RFX3: variants seen among roughly 807,000 people sequenced by gnomAD.
The protein encoded by RFX3 is regulatory factor X3.
In RFX3, 14 loss-of-function variants were observed where a neutral mutation model predicts 98.6. The ratio of observed to expected loss-of-function variants is 0.14; its 90% CI spans 0.09 to 0.22. The LOEUF is 0.22. RFX3 is among the 10% of genes least tolerant of loss of function. The pLI is 1.00. For missense variants in RFX3, 639 were observed against 926.9 expected (o/e 0.69, Z 4.03); for synonymous variants, 383 against 328.4 (o/e 1.17, Z -1.80).
intron 1 of RFX3, among the ~76,000 whole-genome samples, chr9:3,520,852 C>CT (rs755220600): frequency 5.3e-5 from 8 of 151,952 alleles, no homozygotes; most frequent in East Asian, 1.9e-4. Context: ...TTTTCTTTTA[C>CT]TTTTTTTTAC....
chr9:3,293,207 T>C lies in RFX3; in HGVS notation c.601A>G (p.Arg201Gly). ...YETAEGVSLP[R>G]STLYNHYLRH... ...AGGTAGTGGTTGTACAGAGTGCTTCTGGGAAGGCTCACTCCTTCTGCTGTC... is the reference window on the plus strand; with the variant it reads ...AGGTAGTGGTTGTACAGAGTGCTTCCGGGAAGGCTCACTCCTTCTGCTGTC... The change falls in exon 6 of 17, where the codon AGA (arginine) becomes GGA (glycine). Residue 201 changes from arginine (R) to glycine (G), a missense_variant. By Grantham distance (125) the Arg-to-Gly change is moderately radical. Transcript: ENST00000617270. 1 of 1,612,364 alleles carries C rather than the reference T, an allele frequency of 6.2e-7. No homozygotes were observed. The highest frequency in any genetic ancestry group is 8.5e-7 in the Non-Finnish European group (1 of 1,179,254).
chr9:3,230,414 T>C (rs887032047), intron 15 of RFX3, among the ~76,000 whole-genome samples: 2 of 152,196 alleles, frequency 1.3e-5, no homozygotes, highest in African/African-American at 4.8e-5. Context: ...ACCAACCTAA[T>C]ACATCCCACG....
chr9:3,515,744 A>C (rs900523575), intron 1 of RFX3, among the ~76,000 whole-genome samples: 7 of 152,204 alleles, frequency 4.6e-5, no homozygotes, highest in African/African-American at 1.7e-4. Context: ...GGGATGAGAT[A>C]TATTTTAAAG....
At chr9:3,259,218 G>A (rs12004744) in intron 13 of RFX3, among the ~76,000 whole-genome samples, 1 of 151,722 alleles carries the variant, frequency 6.6e-6, no homozygotes, top group Admixed American at 6.6e-5. Context: ...TAGTATCCAT[G>A]AAGGAATTTA....
Position 3,257,767 on chromosome 9 carries a change from A to G in RFX3, c.1606-568T>C, listed in dbSNP as rs556067417. ...ATATGGATTGGGAACAGAAATCTCA[A>G]GGGCTATCAAGGCAAGGCTATGAAT... On this transcript the variant is annotated intron_variant, in intron 13 of 16. Coordinates refer to ENST00000617270, the MANE Select transcript of RFX3 (RefSeq NM_001282116.2). Among the ~76,000 whole-genome samples, 3 of 152,350 alleles carry G rather than the reference A, an allele frequency of 2.0e-5. No individual in the cohort carries two copies. In the South Asian group the frequency reaches 6.2e-4, roughly 32 times the overall value.
At position 3,318,106 on chromosome 9, in the gene RFX3, A is replaced by C. The variant is rs142208143; in HGVS notation, c.474+12153T>G. Reference sequence around the variant, plus strand: ...ACTGCAGCACTATTCACAATAGCAAAGTCTTGGAACCAACCCAAATGTCCA... The same window carrying C: ...ACTGCAGCACTATTCACAATAGCAACGTCTTGGAACCAACCCAAATGTCCA... On this transcript the variant is annotated intron_variant, in intron 4 of 16. Coordinates refer to ENST00000617270, the MANE Select transcript of RFX3 (RefSeq NM_001282116.2). Among the ~76,000 whole-genome samples, 124 of 152,362 alleles carry C rather than the reference A, an allele frequency of 8.1e-4. 1 individual carries two copies. The highest frequency in any genetic ancestry group is 2.8e-3 in the African/African-American group (118 of 41,588).
At chr9:3,418,403 G>A (rs1275526492) in intron 1 of RFX3, among the ~76,000 whole-genome samples, 2 of 150,930 alleles carry the variant, frequency 1.3e-5, no homozygotes, top group Admixed American at 6.6e-5. Context: ...TTTTGGAGAT[G>A]GAGTCTTGCT....
At chr9:3,228,819 T>C in intron 16 of RFX3, 28 bp downstream of exon 16, 1 of 1,587,602 alleles carries the variant, frequency 6.3e-7, no homozygotes, top group East Asian at 2.2e-5. Context: ...TAAAAGTTCT[T>C]AAAATGTACA....
chr9:3,428,241 T>G (rs1339952933), intron 1 of RFX3, among the ~76,000 whole-genome samples: 1 of 152,174 alleles, frequency 6.6e-6, no homozygotes, highest in Non-Finnish European at 1.5e-5. Flanking sequence ...TAAACTGTTC[T>G]TATTCTCTCT....
chr9:3,416,283 G>A (rs1281879327), intron 1 of RFX3, among the ~76,000 whole-genome samples: 1 of 152,142 alleles, frequency 6.6e-6, no homozygotes, highest in Non-Finnish European at 1.5e-5. Context: ...CCATATTTTA[G>A]CATGAACATT....
chr9:3,499,602 G>C (rs949973747), intron 1 of RFX3, among the ~76,000 whole-genome samples: 2 of 152,026 alleles, frequency 1.3e-5, no homozygotes, highest in African/African-American at 4.8e-5. Context: ...AAGTCAAATT[G>C]TGGGAAATGG....
chr9:3,469,181 T>G, intron 1 of RFX3: 1 of 455,986 alleles, frequency 2.2e-6, no homozygotes, highest in Admixed American at 2.4e-5. Context: ...GAAATACATG[T>G]CCAAAGTTGA....
Position 3,457,288 on chromosome 9 carries a change from G to C in RFX3, c.-8-61692C>G, listed in dbSNP as rs2132985169. Among the ~76,000 whole-genome samples, 8 of 151,034 alleles carry C rather than the reference G, an allele frequency of 5.3e-5. 1 individual carries two copies. The South Asian group carries it at 1.7e-3, about 32-fold the overall frequency. ...TATCTGCATGATCTTTAGTTTTCTGGCATCTCTGTTACTGGCCATAATGGT... is the reference window on the plus strand; with the variant it reads ...TATCTGCATGATCTTTAGTTTTCTGCCATCTCTGTTACTGGCCATAATGGT... On this transcript the variant is annotated intron_variant, in intron 1 of 16. Transcript: ENST00000617270.
At chr9:3,508,443 A>T (rs1476057700) in intron 1 of RFX3, among the ~76,000 whole-genome samples, 2 of 151,976 alleles carry the variant, frequency 1.3e-5, no homozygotes, top group Non-Finnish European at 2.9e-5. Flanking sequence ...CCCCCTAAAA[A>T]CATTAACAGA....
intron 1 of RFX3, among the ~76,000 whole-genome samples, chr9:3,504,930 TATATAATATATATA>T (rs1403051879): frequency 1.3e-4 from 9 of 69,480 alleles, no homozygotes; most frequent in Non-Finnish European, 1.4e-4. Flanking sequence ...ACATATATTA[TATATAATATATATA>T]ATATAATATA....
chr9:3,448,480 A>G (rs1251686772), intron 1 of RFX3, among the ~76,000 whole-genome samples: 1 of 152,114 alleles, frequency 6.6e-6, no homozygotes, highest in East Asian at 1.9e-4. Context: ...CTCCCACAAT[A>G]CAGCAGCTTA....
chr9:3,513,796 A>C (rs946806616), intron 1 of RFX3, among the ~76,000 whole-genome samples: 12 of 152,194 alleles, frequency 7.9e-5, no homozygotes, highest in African/African-American at 2.9e-4. Flanking sequence ...AAATATTAAA[A>C]TAAATCTCTT....
chr9:3,392,942 T>G (rs1840461549), intron 2 of RFX3, among the ~76,000 whole-genome samples: 2 of 151,608 alleles, frequency 1.3e-5, no homozygotes. Flanking sequence ...TTTACTGAAT[T>G]TACTGAAATT....
chr9:3,262,196 G>A lies in RFX3; in HGVS notation c.1605+739C>T, dbSNP rs1217473009. ...CTCTTGTTGCTTATGCTTTTGGTGG[G>A]CAATGCTATTGTTTTTATTTGGTAA... On this transcript the variant is annotated intron_variant, in intron 13 of 16. Transcript: ENST00000617270. 3.3e-5 allele frequency among the ~76,000 whole-genome samples: 5 copies of A among 151,802 alleles called. 1 individual carries two copies. Among genetic ancestry groups the A allele is most frequent in the Admixed American group, 1.3e-4 (2 of 15,216 alleles).
Sources: gnomAD v4.1 joint callset for allele counts (sites outside exome capture counted in the v4.1 genomes callset) on GRCh38, gnomAD v4.1.1 for gene constraint, MANE v1.5 for transcripts, NCBI Gene and HGNC (gene_info 2026-07-23, HGNC 2026-07-21) for gene names.